Variants in PTPRT observed in about 807,000 individuals in gnomAD.
PTPRT encodes the protein receptor-type tyrosine-protein phosphatase T.
Under a neutral mutation model 176.8 loss-of-function variants are expected in PTPRT, and 56 were observed. The ratio of observed to expected loss-of-function variants is 0.32; its 90% CI spans 0.26 to 0.40. PTPRT has a LOEUF of 0.40. Among genes scored for constraint, PTPRT ranks in the 10% least tolerant of loss-of-function variants. The probability of loss-of-function intolerance (pLI) is 1.00; values close to 1 mark genes in which losing one functional copy is unlikely to be tolerated. For synonymous variants in PTPRT, 783 were observed against 739.0 expected (o/e 1.06, Z -0.96); for missense variants, 1,540 against 1,908.2 (o/e 0.81, Z 3.60).
chr20:42,324,468 T>C (rs1169023153), intron 11 of PTPRT, among the ~76,000 whole-genome samples: 1 of 152,210 alleles, frequency 6.6e-6, no homozygotes, highest in Non-Finnish European at 1.5e-5. Flanking sequence ...ATCCTATACA[T>C]TTACTAAAGA....
intron 1 of PTPRT, among the ~76,000 whole-genome samples, chr20:42,956,288 GT>G (rs1387262369): frequency 6.6e-6 from 1 of 152,132 alleles, no homozygotes; most frequent in Non-Finnish European, 1.5e-5. Flanking sequence ...GATCATGGGG[GT>G]GGGATCCTCA....
intron 27 of PTPRT, 22 bp from the exon 28 acceptor site, chr20:42,085,875 CAGAA>C: frequency 6.3e-7 from 1 of 1,599,284 alleles, no homozygotes; most frequent in Middle Eastern, 1.7e-4. Context: ...AAAGAGGTCA[CAGAA>C]GGAGCTCAAA....
intron 9 of PTPRT, among the ~76,000 whole-genome samples, chr20:42,362,572 C>A (rs756651379): frequency 7.9e-5 from 12 of 152,058 alleles, no homozygotes; most frequent in African/African-American, 2.9e-4. Context: ...AAGTGAAACA[C>A]GGATAGGATC....
chr20:42,193,538 C>T (rs1991081108), intron 16 of PTPRT, among the ~76,000 whole-genome samples: 2 of 152,250 alleles, frequency 1.3e-5, no homozygotes, highest in Admixed American at 6.5e-5. Context: ...TCTATCCCTA[C>T]TCTTTCTTCA....
chr20:42,919,245 C>T (rs932023367), intron 1 of PTPRT, among the ~76,000 whole-genome samples: 6 of 152,300 alleles, frequency 3.9e-5, no homozygotes, highest in East Asian at 3.9e-4. Context: ...TCTTAGGAAA[C>T]GTTACTACTT....
At chr20:42,234,224 G>A (rs1221043770) in intron 15 of PTPRT, among the ~76,000 whole-genome samples, 1 of 152,194 alleles carries the variant, frequency 6.6e-6, no homozygotes, top group Non-Finnish European at 1.5e-5. Flanking sequence ...TGTCAACTTT[G>A]TGCCAGGCAC....
At chr20:42,718,630 A>T (rs560814343) in intron 6 of PTPRT, among the ~76,000 whole-genome samples, 1 of 152,322 alleles carries the variant, frequency 6.6e-6, no homozygotes, top group African/African-American at 2.4e-5. Flanking sequence ...CAAAAAATAT[A>T]TAATTTATGC....
chr20:42,321,597 A>G (rs1000210559), intron 11 of PTPRT, among the ~76,000 whole-genome samples: 3 of 152,166 alleles, frequency 2.0e-5, no homozygotes, highest in African/African-American at 7.2e-5. Flanking sequence ...TGTACACCAC[A>G]TCTCCTGATT....
intron 13 of PTPRT, among the ~76,000 whole-genome samples, chr20:42,254,438 C>T (rs1469112314): frequency 1.3e-5 from 2 of 152,156 alleles, no homozygotes; most frequent in Non-Finnish European, 2.9e-5. Flanking sequence ...TTGAGATGCA[C>T]AATGTTCCAG....
chr20:42,152,490 G>A (rs771022395), intron 17 of PTPRT, among the ~76,000 whole-genome samples: 30 of 152,346 alleles, frequency 2.0e-4, no homozygotes, highest in Non-Finnish European at 3.1e-4. Flanking sequence ...AGGCAGAGAA[G>A]TTGAGTGCAT....
chr20:43,006,430 C>T (rs1011674755), intron 1 of PTPRT, among the ~76,000 whole-genome samples: 2 of 152,170 alleles, frequency 1.3e-5, no homozygotes, highest in Admixed American at 1.3e-4. Flanking sequence ...ACCCCAAAAT[C>T]TACAGAAACC....
At chr20:42,691,413 C>G (rs1234161574) in intron 6 of PTPRT, among the ~76,000 whole-genome samples, 1 of 152,180 alleles carries the variant, frequency 6.6e-6, no homozygotes, top group Non-Finnish European at 1.5e-5. Flanking sequence ...TCTCCTTGGC[C>G]TATCCCTATG....
chr20:42,952,941 T>G (rs1981346237), intron 1 of PTPRT, among the ~76,000 whole-genome samples: 1 of 152,184 alleles, frequency 6.6e-6, no homozygotes, highest in East Asian at 1.9e-4. Flanking sequence ...AAAAAAAATC[T>G]TAGGTTGGAT....
intron 1 of PTPRT, among the ~76,000 whole-genome samples, chr20:43,117,141 C>G (rs545534978): frequency 6.6e-6 from 1 of 152,240 alleles, no homozygotes; most frequent in African/African-American, 2.4e-5. Context: ...GGCCTGGGTA[C>G]AGACACTTCC....
intron 17 of PTPRT, among the ~76,000 whole-genome samples, chr20:42,153,123 C>G (rs1287217149): frequency 1.3e-5 from 2 of 152,168 alleles, no homozygotes; most frequent in Admixed American, 6.5e-5. Flanking sequence ...AAGTGTGTCT[C>G]CAAAGCATTT....
intron 2 of PTPRT, among the ~76,000 whole-genome samples, chr20:42,815,202 G>A (rs1447038526): frequency 2.6e-5 from 4 of 152,138 alleles, no homozygotes; most frequent in African/African-American, 7.2e-5. Flanking sequence ...AGCAGACATA[G>A]CACGTTCATT....
intron 7 of PTPRT, among the ~76,000 whole-genome samples, chr20:42,602,123 A>C (rs6102929): frequency 6.6e-6 from 1 of 152,032 alleles, no homozygotes; most frequent in East Asian, 1.9e-4. Context: ...CCTGAAGTCC[A>C]TTTTTGGTAC....
At chr20:43,106,028 G>T (rs1237405614) in intron 1 of PTPRT, among the ~76,000 whole-genome samples, 1 of 152,054 alleles carries the variant, frequency 6.6e-6, no homozygotes, top group African/African-American at 2.4e-5. Context: ...GGTGCCTGGG[G>T]AGGCAGCCCC....
intron 9 of PTPRT, among the ~76,000 whole-genome samples, chr20:42,435,547 A>T (rs1235296955): frequency 6.6e-6 from 1 of 152,212 alleles, no homozygotes; most frequent in African/African-American, 2.4e-5. Context: ...GACCAGAGGG[A>T]AAAAGAGAAT....
Sources: gnomAD v4.1 joint callset for allele counts (sites outside exome capture counted in the v4.1 genomes callset) on GRCh38, gnomAD v4.1.1 for gene constraint, MANE v1.5 for transcripts, NCBI Gene and HGNC (gene_info 2026-07-23, HGNC 2026-07-21) for gene names.